The following BRWD3 variants were observed in gnomAD, a reference collection of about 807,000 sequenced individuals.
BRWD3 encodes bromodomain and WD repeat-containing protein 3.
In BRWD3, 10 loss-of-function variants were observed where a neutral mutation model predicts 149.7. The ratio of observed to expected loss-of-function variants is 0.07; its 90% CI spans 0.04 to 0.11. The LOEUF (loss-of-function observed/expected upper bound fraction) is 0.11, where lower values mean the gene tolerates loss of function less well. BRWD3 is among the 10% of genes least tolerant of loss of function. The probability of loss-of-function intolerance (pLI) is 1.00; values close to 1 mark genes in which losing one functional copy is unlikely to be tolerated. For missense variants in BRWD3, 940 were observed against 1,373.2 expected, an observed-to-expected ratio of 0.68 and a Z score of 4.99; for synonymous variants, 504 against 456.7, an observed-to-expected ratio of 1.10 and a Z score of -1.32.
intron 14 of BRWD3, 30 bp downstream of exon 14, chrX:80,728,722 T>C: frequency 8.7e-7 from 1 of 1,152,787 alleles, no homozygotes; most frequent in South Asian, 1.9e-5. Flanking sequence ...TTTTTGACCA[T>C]TTTAATTACT....
At position 80,727,499 on chromosome X, in the gene BRWD3, T is replaced by C. The variant is rs986593193; in HGVS notation, c.1386+1253A>G. Among the ~76,000 whole-genome samples the C allele has an allele frequency of 1.5e-4, 17 of 110,952 alleles. 1 individual carries two copies. The highest frequency in any genetic ancestry group is 5.2e-4 in the African/African-American group (16 of 30,514). ...ACCTCAGGACCTTTGCACATGCCGT[T>C]CCCTCTTTCTAGAAACATGCCCCAG... On this transcript the variant is annotated intron_variant, in intron 14 of 40. Coordinates refer to ENST00000373275, the MANE Select transcript of BRWD3 (RefSeq NM_153252.5).
chrX:80,772,385 G>A (rs1057480441), intron 6 of BRWD3, among the ~76,000 whole-genome samples: 4 of 111,102 alleles, frequency 3.6e-5, no homozygotes, highest in African/African-American at 6.6e-5. Context: ...ACCGAACACC[G>A]CATGTTCTCA....
chrX:80,777,630 C>T (rs1366789284), intron 6 of BRWD3, among the ~76,000 whole-genome samples: 1 of 110,966 alleles, frequency 9.0e-6, no homozygotes. Flanking sequence ...AACTCCTGGG[C>T]TCAAGTGATC....
rs182020220 is a variant in BRWD3, at chrX:80,683,739, C to T, written c.4233+271G>A. 0.026 allele frequency among the ~76,000 whole-genome samples: 2,882 copies of T among 111,370 alleles called. 45 individuals are homozygous for T. The highest frequency in any genetic ancestry group is 0.038 in the Non-Finnish European group (2,012 of 52,933). ...TAAATCAACACTGTCAATCACCTTT[C>T]TATTTATTAAGTCACTTATTATATT... On this transcript the variant is annotated intron_variant, in intron 37 of 40. Coordinates refer to ENST00000373275, the MANE Select transcript of BRWD3 (RefSeq NM_153252.5).
At chrX:80,792,866 A>C (rs759673268) in intron 5 of BRWD3, among the ~76,000 whole-genome samples, 38 of 110,785 alleles carry the variant, frequency 3.4e-4, no homozygotes, top group Non-Finnish European at 2.6e-4. Flanking sequence ...AGAAAAGCTT[A>C]TTTAACAATT....
intron 14 of BRWD3, among the ~76,000 whole-genome samples, chrX:80,727,826 T>C: frequency 9.0e-6 from 1 of 111,627 alleles, no homozygotes; most frequent in Admixed American, 9.5e-5. Context: ...GGTTACCCTG[T>C]TAGAAGTTTG....
chrX:80,702,991 G>A (rs2072811826), intron 24 of BRWD3, among the ~76,000 whole-genome samples: 1 of 111,331 alleles, frequency 9.0e-6, no homozygotes, highest in South Asian at 3.7e-4. Context: ...TTTTTGACTG[G>A]CCAATAATAA....
At chrX:80,754,132 T>C (rs921321700) in intron 6 of BRWD3, among the ~76,000 whole-genome samples, 3 of 112,226 alleles carry the variant, frequency 2.7e-5, no homozygotes, top group Admixed American at 1.9e-4. Flanking sequence ...AACAATATTG[T>C]TTTTTACAGT....
At chrX:80,790,467 C>T (rs1294098642) in intron 6 of BRWD3, among the ~76,000 whole-genome samples, 3 of 111,051 alleles carry the variant, frequency 2.7e-5, no homozygotes, top group Non-Finnish European at 5.7e-5. Flanking sequence ...TCTAAAAGCT[C>T]CTCCCCAAAT....
intron 20 of BRWD3, among the ~76,000 whole-genome samples, chrX:80,710,933 G>T (rs936200050): frequency 9.1e-6 from 1 of 109,543 alleles, no homozygotes; most frequent in Non-Finnish European, 1.9e-5. Flanking sequence ...CTGTACTAAT[G>T]TTTTTATATG....
In BRWD3 at chrX:80,707,588, C is replaced by T. The variant is rs2072885698; in HGVS notation, c.2476-85G>A. On this transcript the variant is annotated intron_variant, in intron 21 of 40. Transcript: ENST00000373275. The stretch of plus-strand genomic sequence containing the variant: ...TAAAAAACCACTACCTGTTTTATAG[C>T]ATTTTTTTGAATTCTGCCCTCAAAA... The T allele has an allele frequency of 5.4e-6, 5 of 927,215 alleles. No homozygotes were observed. In the East Asian group the frequency reaches 1.7e-4, roughly 31 times the overall value. 76.4% of individuals were successfully genotyped at this position (927,215 alleles called of 1,213,427 possible).
chrX:80,809,119 G>A, intron 2 of BRWD3, 77 bp from the exon 3 acceptor site: 1 of 1,153,077 alleles, frequency 8.7e-7, no homozygotes. Flanking sequence ...TTAAAGCCCA[G>A]CCGCTGACCG....
intron 18 of BRWD3, among the ~76,000 whole-genome samples, chrX:80,718,574 C>T (rs899910316): frequency 9.8e-5 from 11 of 111,815 alleles, no homozygotes; most frequent in African/African-American, 3.6e-4. Context: ...GCCCACTTGT[C>T]ATCTTGTTCT....
intron 4 of BRWD3, among the ~76,000 whole-genome samples, chrX:80,802,486 T>G (rs1234377379): frequency 9.8e-6 from 1 of 101,787 alleles, no homozygotes; most frequent in East Asian, 3.0e-4. Flanking sequence ...TTAAGAAAAT[T>G]AGGGGATGAT....
intron 8 of BRWD3, among the ~76,000 whole-genome samples, chrX:80,741,690 T>C (rs2073508334): frequency 9.4e-6 from 1 of 105,912 alleles, no homozygotes; most frequent in Non-Finnish European, 2.0e-5. Flanking sequence ...ATGTGTCTCT[T>C]GGCTGCATAA....
At chrX:80,702,900 C>G (rs895197715) in intron 24 of BRWD3, among the ~76,000 whole-genome samples, 4 of 111,168 alleles carry the variant, frequency 3.6e-5, no homozygotes, top group African/African-American at 3.3e-5. Context: ...ATATCCAAGC[C>G]AAAAAGAGTT....
At chrX:80,758,657 A>G (rs1162209290) in intron 6 of BRWD3, among the ~76,000 whole-genome samples, 1 of 110,947 alleles carries the variant, frequency 9.0e-6, no homozygotes, top group African/African-American at 3.3e-5. Flanking sequence ...ACGACATTAA[A>G]AAAAGAATAT....
intron 20 of BRWD3, among the ~76,000 whole-genome samples, chrX:80,715,246 AAACT>A (rs1027357597): frequency 2.7e-5 from 3 of 111,395 alleles, no homozygotes; most frequent in East Asian, 2.8e-4. Context: ...AACAGCAAAT[AAACT>A]AACAAAACAA....
At chrX:80,684,484 A>C (rs1469734344) in intron 36 of BRWD3, among the ~76,000 whole-genome samples, 1 of 112,212 alleles carries the variant, frequency 8.9e-6, no homozygotes, top group Non-Finnish European at 1.9e-5. Context: ...AAACCCCAGC[A>C]CACTGTTTAA....
Sources: allele counts gnomAD v4.1 joint callset (sites outside exome capture counted in the v4.1 genomes callset), GRCh38; gene constraint gnomAD v4.1.1; transcripts MANE v1.5; gene names NCBI Gene and HGNC (gene_info 2026-07-23, HGNC 2026-07-21).